Variants in EIF4ENIF1 observed in about 807,000 individuals in gnomAD.
EIF4ENIF1 encodes eukaryotic translation initiation factor 4E nuclear import factor 1.
In EIF4ENIF1, 23 loss-of-function variants were observed where a neutral mutation model predicts 110.5. The observed-to-expected ratio is 0.21, with a 90% confidence interval of 0.15 to 0.29. The LOEUF (loss-of-function observed/expected upper bound fraction) is 0.29, where lower values mean the gene tolerates loss of function less well. EIF4ENIF1 is among the 10% of genes least tolerant of loss of function. EIF4ENIF1 has a pLI of 1.00. For missense variants in EIF4ENIF1, 1,031 were observed against 1,221.1 expected, an observed-to-expected ratio of 0.84 and a Z score of 2.32; for synonymous variants, 440 against 437.0, an observed-to-expected ratio of 1.01 and a Z score of -0.09.
Position 31,442,918 on chromosome 22 carries a change from A to G in EIF4ENIF1, c.2206+44T>C, listed in dbSNP as rs1176417953. The G allele has an allele frequency of 3.7e-6, 6 of 1,607,208 alleles. No individual in the cohort carries two copies. The African/African-American group carries it at 6.7e-5, about 18-fold the overall frequency. On this transcript the variant is annotated intron_variant, in intron 16 of 18. Coordinates refer to ENST00000330125, the MANE Select transcript of EIF4ENIF1 (RefSeq NM_019843.4). Reference sequence around the variant, plus strand: ...CAGCGCTCAGGCCCATGTTTTCTCCATCACATACTTTCTTGAGCAGTGCCC... The same window carrying G: ...CAGCGCTCAGGCCCATGTTTTCTCCGTCACATACTTTCTTGAGCAGTGCCC...
At chr22:31,451,502 C>G (rs560913155) in intron 10 of EIF4ENIF1, among the ~76,000 whole-genome samples, 19 of 151,886 alleles carry the variant, frequency 1.3e-4, no homozygotes, top group Admixed American at 7.9e-4. Flanking sequence ...TCTCGATCTC[C>G]TGACCTCGTG....
chr22:31,452,592 G>C (rs1246245170), intron 10 of EIF4ENIF1, among the ~76,000 whole-genome samples: 1 of 152,114 alleles, frequency 6.6e-6, no homozygotes, highest in Non-Finnish European at 1.5e-5. Context: ...CATATTTTTA[G>C]TTGCTCACAC....
At chr22:31,462,057 G>A (rs1401111942) in intron 6 of EIF4ENIF1, among the ~76,000 whole-genome samples, 4 of 152,130 alleles carry the variant, frequency 2.6e-5, no homozygotes, top group East Asian at 1.9e-4. Context: ...TTTCTACCAC[G>A]TTTCTTATTT....
intron 2 of EIF4ENIF1, among the ~76,000 whole-genome samples, chr22:31,481,307 T>C (rs2051806794): frequency 6.8e-6 from 1 of 147,246 alleles, no homozygotes. Context: ...GGACCACAGG[T>C]GCACACCACC....
intron 10 of EIF4ENIF1, 130 bp downstream of exon 10, chr22:31,454,014 T>C (rs2050747933): frequency 1.3e-6 from 1 of 765,734 alleles, no homozygotes; most frequent in Non-Finnish European, 2.1e-6. Context: ...CACAAAAGCA[T>C]CAAGGACCAA....
chr22:31,488,746 C>G lies in EIF4ENIF1; in HGVS notation c.-27-1G>C. The G allele has an allele frequency of 6.3e-7, 1 of 1,599,266 alleles. No homozygotes were observed. The highest frequency in any genetic ancestry group is 8.5e-7 in the Non-Finnish European group (1 of 1,174,228). ...CTCCTTGGTCTACAATGCTCTGCACCTGGAAGATAAATCGGCACAAAATTG... is the reference window on the plus strand; with the variant it reads ...CTCCTTGGTCTACAATGCTCTGCACGTGGAAGATAAATCGGCACAAAATTG... On this transcript the variant is annotated splice_acceptor_variant, in intron 1 of 18. Transcript: ENST00000330125. LOFTEE classifies it low-confidence loss of function (5UTR_SPLICE).
At chr22:31,491,223 T>A (rs1457677840), upstream of EIF4ENIF1, among the ~76,000 whole-genome samples, 1 of 152,182 alleles carries the variant, frequency 6.6e-6, no homozygotes, top group Non-Finnish European at 1.5e-5. Flanking sequence ...AAACCATATA[T>A]AACCCATAAA....
At chr22:31,442,396 C>T (rs529050743) in intron 16 of EIF4ENIF1, among the ~76,000 whole-genome samples, 3 of 152,126 alleles carry the variant, frequency 2.0e-5, no homozygotes, top group Non-Finnish European at 4.4e-5. Flanking sequence ...GTCAAAGAAC[C>T]CAAACTGTCT....
In EIF4ENIF1 at chr22:31,439,662, G is replaced by C; in HGVS notation, c.*218C>G. On this transcript the variant is annotated 3_prime_UTR_variant, in exon 19 of 19. Transcript: ENST00000330125. ...AAAAAGAAAGACCATTTCCAGGATT[G>C]ACAACATTGTGCATCCTGTATTCAG... 1 of 616,806 alleles carries C rather than the reference G, an allele frequency of 1.6e-6. No individual in the cohort carries two copies. Among genetic ancestry groups the C allele is most frequent in the Non-Finnish European group, 2.7e-6 (1 of 373,084 alleles). 38.2% of individuals were successfully genotyped at this position (616,806 alleles called of 1,614,324 possible).
intron 16 of EIF4ENIF1, 62 bp downstream of exon 16, chr22:31,442,900 C>T: frequency 1.9e-6 from 3 of 1,595,874 alleles, no homozygotes; most frequent in East Asian, 2.2e-5. Context: ...GGTCAGCGCT[C>T]AGGCCCATGT....
At chr22:31,482,820 G>A (rs1019224575) in intron 2 of EIF4ENIF1, among the ~76,000 whole-genome samples, 9 of 151,088 alleles carry the variant, frequency 6.0e-5, no homozygotes, top group African/African-American at 2.2e-4. Flanking sequence ...TCAGGAGATC[G>A]AGACCATCCT....
chr22:31,478,547 G>A (rs997560405), intron 2 of EIF4ENIF1, among the ~76,000 whole-genome samples: 20 of 149,212 alleles, frequency 1.3e-4, no homozygotes, highest in Non-Finnish European at 2.5e-4. Flanking sequence ...GCTGAGTGCA[G>A]TGGCTCACAC....
At chr22:31,479,390 T>G (rs1359801331) in intron 2 of EIF4ENIF1, 10 of 151,978 alleles carry the variant, frequency 6.6e-5, no homozygotes, top group Non-Finnish European at 7.4e-5. Context: ...TTTTTAAATA[T>G]GGAACACTTC....
intron 2 of EIF4ENIF1, among the ~76,000 whole-genome samples, chr22:31,476,292 CTT>C (rs1371163847): frequency 2.0e-5 from 3 of 152,118 alleles, no homozygotes; most frequent in African/African-American, 4.8e-5. Context: ...TTGTTTGAAA[CTT>C]TTAACTCCAA....
chr22:31,442,486 C>T (rs981461008), intron 16 of EIF4ENIF1, among the ~76,000 whole-genome samples: 5 of 152,158 alleles, frequency 3.3e-5, no homozygotes, highest in African/African-American at 1.2e-4. Context: ...CAGATCTGTA[C>T]TTTTAACACC....
chr22:31,451,679 T>C (rs1172668587), intron 10 of EIF4ENIF1, among the ~76,000 whole-genome samples: 3 of 151,888 alleles, frequency 2.0e-5, no homozygotes, highest in Non-Finnish European at 2.9e-5. Flanking sequence ...TTTTTTTTTT[T>C]TGGGACAGGT....
Position 31,455,245 on chromosome 22 carries a change from G to C in EIF4ENIF1, c.1170C>G (p.Asp390Glu). The change falls in exon 9 of 19, where the codon GAC becomes GAG. Residue 390 changes from aspartate (D) to glutamate (E), a missense_variant. Physicochemically the swap from Asp to Glu is conservative, Grantham distance 45. Around this residue, in one of 3 missense-constraint regions of EIF4ENIF1, gnomAD observed 704 missense variants for 879.7 expected, o/e 0.80. Coordinates refer to ENST00000330125, the MANE Select transcript of EIF4ENIF1 (RefSeq NM_019843.4). ...AAATATCCACTTTATTTTCAGCATG[G>C]TCTTCCAATGGTATAGGAGCAAAGT... ...GNYFAPIPLE[D>E]HAENKVDILE... The C allele has an allele frequency of 6.2e-7, 1 of 1,613,924 alleles. No homozygotes were observed.
At chr22:31,469,229 C>A (rs2051285069) in intron 3 of EIF4ENIF1, among the ~76,000 whole-genome samples, 1 of 152,204 alleles carries the variant, frequency 6.6e-6, no homozygotes, top group Non-Finnish European at 1.5e-5. Flanking sequence ...ACATCCTGGA[C>A]AAGTTACTGA....
intron 18 of EIF4ENIF1, 32 bp downstream of exon 18, chr22:31,440,672 C>T (rs2050263526): frequency 2.1e-5 from 33 of 1,605,114 alleles, no homozygotes; most frequent in Non-Finnish European, 2.6e-5. Flanking sequence ...CTAAGTCCGT[C>T]CCAAACTCAC....
Sources: allele counts gnomAD v4.1 joint callset (sites outside exome capture counted in the v4.1 genomes callset), GRCh38; gene constraint gnomAD v4.1.1; regional missense constraint gnomAD v4.1.1; transcripts MANE v1.5; gene names NCBI Gene and HGNC (gene_info 2026-07-23, HGNC 2026-07-21).